TSPAN9: variants seen among roughly 807,000 people sequenced by gnomAD.
The protein encoded by TSPAN9 is tetraspanin 9.
TSPAN9 carries 16 observed loss-of-function variants against 31.0 expected under a neutral mutation model. The observed-to-expected ratio is 0.52, with a 90% CI of 0.35 to 0.78. The LOEUF (loss-of-function observed/expected upper bound fraction) is 0.78, where lower values mean the gene tolerates loss of function less well. Ranked by LOEUF, TSPAN9 falls within the 30% of genes least tolerant of loss-of-function variation. The probability of loss-of-function intolerance (pLI) is 0.01; values close to 1 mark genes in which losing one functional copy is unlikely to be tolerated. For synonymous variants in TSPAN9, 145 were observed against 121.6 expected, an observed-to-expected ratio of 1.19 and a Z score of -1.27; for missense variants, 272 against 312.5, an observed-to-expected ratio of 0.87 and a Z score of 0.98.
intron 3 of TSPAN9, among the ~76,000 whole-genome samples, chr12:3,226,716 GTA>G (rs1403891711): frequency 0.12 from 806 of 6,840 alleles, 47 homozygotes; most frequent in Middle Eastern, 0.25. Flanking sequence ...GTATGTGTAT[GTA>G]TGTGTGTGTG....
chr12:3,097,343 G>A (rs1275131305), intron 2 of TSPAN9, among the ~76,000 whole-genome samples: 2 of 152,226 alleles, frequency 1.3e-5, no homozygotes, highest in Admixed American at 6.5e-5. Flanking sequence ...AGAGAGGCAC[G>A]TGTGTGGCTA....
At chr12:3,264,066 G>A (rs1440913852) in intron 3 of TSPAN9, among the ~76,000 whole-genome samples, 1 of 152,178 alleles carries the variant, frequency 6.6e-6, no homozygotes, top group Non-Finnish European at 1.5e-5. Context: ...CAGTGATTTA[G>A]GTCACCCAGC....
chr12:3,239,370 A>T (rs1251359332), intron 3 of TSPAN9, among the ~76,000 whole-genome samples: 1 of 151,246 alleles, frequency 6.6e-6, no homozygotes, highest in Non-Finnish European at 1.5e-5. Flanking sequence ...TCTGAAAAGC[A>T]CACGCTGGCA....
intron 3 of TSPAN9, among the ~76,000 whole-genome samples, chr12:3,225,645 C>G (rs143747485): frequency 6.6e-6 from 1 of 152,028 alleles, no homozygotes; most frequent in Non-Finnish European, 1.5e-5. Context: ...TGCTTGGTTC[C>G]GGAGCTTAAG....
chr12:3,239,155 G>C (rs1036890823), intron 3 of TSPAN9, among the ~76,000 whole-genome samples: 1 of 150,936 alleles, frequency 6.6e-6, no homozygotes, highest in African/African-American at 2.4e-5. Context: ...GAGGCAAGGC[G>C]TAGAGGGGTG....
chr12:3,266,918 G>A (rs1402535454), intron 3 of TSPAN9, among the ~76,000 whole-genome samples: 3 of 152,214 alleles, frequency 2.0e-5, no homozygotes, highest in African/African-American at 7.2e-5. Flanking sequence ...GCCAGAGGTG[G>A]ACCTGGTTGT....
chr12:3,096,001 C>G (rs1484866571), intron 2 of TSPAN9, among the ~76,000 whole-genome samples: 1 of 148,224 alleles, frequency 6.7e-6, no homozygotes, highest in Non-Finnish European at 1.5e-5. Flanking sequence ...TCCTTGCCCT[C>G]GGGCCCCGCG....
chr12:3,179,462 C>T (rs891432810), intron 2 of TSPAN9, among the ~76,000 whole-genome samples: 2 of 152,182 alleles, frequency 1.3e-5, no homozygotes, highest in Non-Finnish European at 2.9e-5. Flanking sequence ...TGTCCCCCTG[C>T]TTGGAGCCTT....
At position 3,283,495 on chromosome 12, in the gene TSPAN9, A is replaced by C. The variant is rs2153981264; in HGVS notation, c.*379A>C. Reference sequence around the variant, plus strand: ...AGCAGAGTGCCCGCCCCGTGGAGATACCGCCCCAGCGGGGGCTGCGACATC... The same window carrying C: ...AGCAGAGTGCCCGCCCCGTGGAGATCCCGCCCCAGCGGGGGCTGCGACATC... On this transcript the variant is annotated 3_prime_UTR_variant, in exon 9 of 9. Coordinates refer to ENST00000011898, the MANE Select transcript of TSPAN9 (RefSeq NM_006675.5). The C allele has an allele frequency of 5.7e-6, 1 of 174,904 alleles. No individual in the cohort carries two copies. The highest frequency in any genetic ancestry group is 1.2e-5 in the Non-Finnish European group (1 of 83,504). The allele number at this position is 174,904 out of a possible 1,614,324, so 10.8% of individuals were successfully genotyped here. A position where few individuals can be genotyped will look rare whatever the true frequency, so the allele number is the denominator to read the frequency against.
At chr12:3,078,275 T>C (rs1172070331) in intron 1 of TSPAN9, among the ~76,000 whole-genome samples, 1 of 152,146 alleles carries the variant, frequency 6.6e-6, no homozygotes, top group African/African-American at 2.4e-5. Flanking sequence ...TAACTCTTAG[T>C]TCAGAGACCC....
Position 3,126,629 on chromosome 12 carries a change from C to A in TSPAN9, c.-18+42910C>A, listed in dbSNP as rs138864501. ...TAATTTATAAGGACAGAGATTTGGGCCAGGCCTGGGGGCTCACACCTGTAA... is the reference window on the plus strand; with the variant it reads ...TAATTTATAAGGACAGAGATTTGGGACAGGCCTGGGGGCTCACACCTGTAA... On this transcript the variant is annotated intron_variant, in intron 2 of 8. Coordinates refer to ENST00000011898, the MANE Select transcript of TSPAN9 (RefSeq NM_006675.5). Among the ~76,000 whole-genome samples the A allele has an allele frequency of 1.1e-4, 16 of 152,280 alleles. No homozygotes were observed. The East Asian group carries it at 2.5e-3, about 24-fold the overall frequency.
At chr12:3,193,479 T>C (rs1039016543) in intron 2 of TSPAN9, among the ~76,000 whole-genome samples, 1 of 152,222 alleles carries the variant, frequency 6.6e-6, no homozygotes, top group Non-Finnish European at 1.5e-5. Context: ...CAGTACATGC[T>C]CTGAGCAGTG....
At chr12:3,161,454 C>T (rs2098345176) in intron 2 of TSPAN9, among the ~76,000 whole-genome samples, 1 of 152,128 alleles carries the variant, frequency 6.6e-6, no homozygotes, top group Non-Finnish European at 1.5e-5. Flanking sequence ...CATTTTTCTC[C>T]TGTGGGTATG....
rs1161557866 is a variant in TSPAN9 at position 3,281,719 on chromosome 12, G to A, written c.565-15G>A. Reference sequence around the variant, plus strand: ...CTTGGGCTGGGACCCTAACCTCGTGGGCCTCGCTCCCCAGGGCTGCTATGA... The same window carrying A: ...CTTGGGCTGGGACCCTAACCTCGTGAGCCTCGCTCCCCAGGGCTGCTATGA... On this transcript the variant is annotated splice_polypyrimidine_tract_variant and intron_variant, in intron 7 of 8. Coordinates refer to ENST00000011898, the MANE Select transcript of TSPAN9 (RefSeq NM_006675.5). 3.1e-6 allele frequency: 5 copies of A among 1,607,638 alleles called. No individual in the cohort carries two copies. Among genetic ancestry groups the A allele is most frequent in the Non-Finnish European group, 4.3e-6 (5 of 1,174,842 alleles).
chr12:3,129,473 G>A (rs1484802772), intron 2 of TSPAN9, among the ~76,000 whole-genome samples: 2 of 152,202 alleles, frequency 1.3e-5, no homozygotes, highest in Non-Finnish European at 2.9e-5. Context: ...TCAGGAAGTG[G>A]TAAAGGATGT....
intron 1 of TSPAN9, among the ~76,000 whole-genome samples, chr12:3,082,814 TTTCGTCAACTAGA>T (rs1468538152): frequency 3.3e-5 from 5 of 152,184 alleles, no homozygotes; most frequent in African/African-American, 1.2e-4. Flanking sequence ...GTAGGCATTG[TTTCGTCAACTAGA>T]TTGCAAGCCC....
chr12:3,084,610 A>G lies in TSPAN9; in HGVS notation c.-18+891A>G, dbSNP rs1374923802. Among the ~76,000 whole-genome samples the G allele has an allele frequency of 3.3e-5, 5 of 152,334 alleles. No individual in the cohort carries two copies. In the East Asian group the frequency reaches 9.6e-4, roughly 29 times the overall value. ...TGCACGTTATACTTAGGATGCCAGT[A>G]TTCATATTTGTCATCATGATCAGAC... On this transcript the variant is annotated intron_variant, in intron 2 of 8. Coordinates refer to ENST00000011898, the MANE Select transcript of TSPAN9 (RefSeq NM_006675.5).
At chr12:3,245,371 A>G (rs1257812732) in intron 3 of TSPAN9, among the ~76,000 whole-genome samples, 7 of 152,326 alleles carry the variant, frequency 4.6e-5, no homozygotes, top group Non-Finnish European at 8.8e-5. Flanking sequence ...GACCATGGAA[A>G]GGGAAGGCTG....
intron 3 of TSPAN9, among the ~76,000 whole-genome samples, chr12:3,266,874 T>C (rs1862547709): frequency 6.6e-6 from 1 of 152,222 alleles, no homozygotes; most frequent in East Asian, 1.9e-4. Flanking sequence ...GTCAAAGGGC[T>C]AGAGCTAGAG....
Sources: allele counts gnomAD v4.1 joint callset (sites outside exome capture counted in the v4.1 genomes callset), GRCh38; gene constraint gnomAD v4.1.1; transcripts MANE v1.5; gene names NCBI Gene and HGNC (gene_info 2026-07-23, HGNC 2026-07-21).